RHOBTB1: variants seen among roughly 807,000 people sequenced by gnomAD.
The protein encoded by RHOBTB1 is Rho related BTB domain containing 1.
A neutral mutation model predicts 71.6 loss-of-function variants in RHOBTB1; 40 were observed. The observed-to-expected ratio is 0.56, with a 90% confidence interval of 0.43 to 0.73. The LOEUF (loss-of-function observed/expected upper bound fraction) is 0.73, where lower values mean the gene tolerates loss of function less well. Among genes scored for constraint, RHOBTB1 ranks in the 30% least tolerant of loss-of-function variants. The pLI is 0.00. For missense variants in RHOBTB1, 797 were observed against 894.0 expected, an observed-to-expected ratio of 0.89 and a Z score of 1.38; for synonymous variants, 319 against 334.9, an observed-to-expected ratio of 0.95 and a Z score of 0.52.
At position 60,888,759 on chromosome 10, in the gene RHOBTB1, G is replaced by T. The variant is rs1452186381; in HGVS notation, c.909C>A (p.Ser303=). Residue 303 remains serine (S), a synonymous_variant, in exon 6 of 11, where the codon TCC becomes TCA. Transcript: ENST00000337910. The stretch of plus-strand genomic sequence containing the variant: ...CACAGGCTCCTTCACTCCCATTTGG[G>T]GATTCTTCACATTCCATTAAAAACA... ...YDLFLMECEE[S]PNGSEGACEK... 1.9e-6 allele frequency: 3 copies of T among 1,613,976 alleles called. No individual in the cohort carries two copies. Among genetic ancestry groups the T allele is most frequent in the Non-Finnish European group, 2.5e-6 (3 of 1,180,020 alleles).
intron 5 of RHOBTB1, among the ~76,000 whole-genome samples, chr10:60,891,998 C>T (rs1470239509): frequency 6.6e-6 from 1 of 152,178 alleles, no homozygotes; most frequent in Non-Finnish European, 1.5e-5. Flanking sequence ...TCTTCTCTCT[C>T]CTGCCGCCAT....
intron 8 of RHOBTB1, 79 bp downstream of exon 8, chr10:60,877,829 C>A: frequency 7.0e-7 from 1 of 1,422,338 alleles, no homozygotes. Flanking sequence ...AATTTTTATT[C>A]TCTGTAAGAA....
At chr10:60,920,621 C>CT (rs66851123) in intron 2 of RHOBTB1, among the ~76,000 whole-genome samples, 194 of 135,766 alleles carry the variant, frequency 1.4e-3, no homozygotes, top group Middle Eastern at 0.012. Context: ...TTCTGATTTG[C>CT]TTTTTTTTTT....
intron 7 of RHOBTB1, among the ~76,000 whole-genome samples, chr10:60,879,493 C>T (rs770152965): frequency 5.9e-5 from 9 of 151,768 alleles, no homozygotes; most frequent in Admixed American, 3.3e-4. Context: ...CCACCACGCC[C>T]GGCTAATTTA....
At chr10:60,898,818 T>A (rs2082276440) in intron 4 of RHOBTB1, among the ~76,000 whole-genome samples, 1 of 152,212 alleles carries the variant, frequency 6.6e-6, no homozygotes, top group Non-Finnish European at 1.5e-5. Flanking sequence ...GAAGCAATAT[T>A]TTAAACCAGT....
chr10:60,868,791 A>G (rs1388011122), downstream of RHOBTB1, among the ~76,000 whole-genome samples: 1 of 152,222 alleles, frequency 6.6e-6, no homozygotes, highest in Non-Finnish European at 1.5e-5. Flanking sequence ...AGAAACCGGT[A>G]TACTTTATGT....
chr10:60,871,613 C>G lies in RHOBTB1; in HGVS notation c.1960G>C (p.Val654Leu). 2 of 1,614,076 alleles carry G rather than the reference C, an allele frequency of 1.2e-6. No individual in the cohort carries two copies. Among genetic ancestry groups the G allele is most frequent in the Middle Eastern group, 1.7e-4 (1 of 6,054 alleles). Residue 654 changes from valine to leucine, a missense_variant, in exon 11 of 11, where the codon GTG becomes CTG. Coordinates refer to ENST00000337910, the MANE Select transcript of RHOBTB1 (RefSeq NM_014836.5). ...EYFERHRWPP[V>L]WYLKEEDHYQ... The stretch of plus-strand genomic sequence containing the variant: ...TGATCTTCTTCCTTCAGGTACCACA[C>G]AGGGGGCCAGCGGTGCCGCTCGAAG...
At chr10:60,961,261 C>A (rs1191674390) in intron 2 of RHOBTB1, among the ~76,000 whole-genome samples, 1 of 152,140 alleles carries the variant, frequency 6.6e-6, no homozygotes, top group Non-Finnish European at 1.5e-5. Flanking sequence ...GAAGAACATA[C>A]TATGAGATGA....
downstream of RHOBTB1, among the ~76,000 whole-genome samples, chr10:60,869,174 C>T (rs141897322): frequency 5.3e-3 from 814 of 152,362 alleles, 5 homozygotes; most frequent in Non-Finnish European, 8.7e-3. Context: ...TCCCCCAACC[C>T]GCTCTCTGGC....
chr10:60,897,247 A>G (rs7079085), intron 4 of RHOBTB1, among the ~76,000 whole-genome samples: 55,539 of 152,126 alleles, frequency 0.37, 10,942 homozygotes, highest in East Asian at 0.58. Flanking sequence ...GGAAAAGATC[A>G]GAGAAGCAAC....
At chr10:60,903,605 T>C (rs1312980266) in intron 4 of RHOBTB1, among the ~76,000 whole-genome samples, 1 of 152,222 alleles carries the variant, frequency 6.6e-6, no homozygotes, top group East Asian at 1.9e-4. Context: ...ACAGGGTATC[T>C]GGTGAAACGT....
At chr10:60,882,603 G>T (rs1453466582) in intron 7 of RHOBTB1, among the ~76,000 whole-genome samples, 1 of 146,962 alleles carries the variant, frequency 6.8e-6, no homozygotes, top group East Asian at 2.2e-4. Flanking sequence ...AAAAAAGGCT[G>T]ATTTTCATGG....
At chr10:60,974,685 T>C (rs2086261383) in intron 2 of RHOBTB1, among the ~76,000 whole-genome samples, 1 of 152,062 alleles carries the variant, frequency 6.6e-6, no homozygotes, top group Non-Finnish European at 1.5e-5. Flanking sequence ...TCAGGGCATG[T>C]TGCTAGCAGT....
chr10:60,927,252 G>A (rs548931056), intron 2 of RHOBTB1, among the ~76,000 whole-genome samples: 1 of 152,230 alleles, frequency 6.6e-6, no homozygotes, highest in East Asian at 1.9e-4. Flanking sequence ...TGGGAAGATC[G>A]ATATTGTTAC....
chr10:60,916,771 A>T (rs1564949236), intron 2 of RHOBTB1, among the ~76,000 whole-genome samples: 1 of 152,190 alleles, frequency 6.6e-6, no homozygotes, highest in Non-Finnish European at 1.5e-5. Flanking sequence ...GCATGAGGGA[A>T]TAGGGTTGCA....
At position 60,874,973 on chromosome 10, in the gene RHOBTB1, G is replaced by C; in HGVS notation, c.1796C>G (p.Ser599Cys). The stretch of plus-strand genomic sequence containing the variant: ...ACAAACCTGAGCCAATTCCAAGTAA[G>C]AGAGCACTTCTCCGTCAATGCCCAC... The part of the protein sequence containing the change: ...SGVGIDGEVL[S>C]YLELAQFHNA... The change falls in exon 9 of 11, where the codon TCT becomes TGT. Residue 599 changes from serine to cysteine, a missense_variant. Around this residue, in one of 2 missense-constraint regions of RHOBTB1, gnomAD observed 658 missense variants for 681.5 expected, o/e 0.97. Coordinates refer to ENST00000337910, the MANE Select transcript of RHOBTB1 (RefSeq NM_014836.5). The C allele has an allele frequency of 1.2e-6, 2 of 1,613,822 alleles. No individual in the cohort carries two copies. The highest frequency in any genetic ancestry group is 1.1e-5 in the South Asian group (1 of 91,076).
chr10:60,898,131 T>G (rs1462656571), intron 4 of RHOBTB1, among the ~76,000 whole-genome samples: 1 of 152,156 alleles, frequency 6.6e-6, no homozygotes, highest in Non-Finnish European at 1.5e-5. Flanking sequence ...ATTACTTATT[T>G]TTTTAGGAGA....
At chr10:60,944,489 C>G (rs917450075), upstream of RHOBTB1, among the ~76,000 whole-genome samples, 1 of 152,166 alleles carries the variant, frequency 6.6e-6, no homozygotes, top group African/African-American at 2.4e-5. Context: ...CGGGACAAAC[C>G]GACACAGAGC....
intron 2 of RHOBTB1, among the ~76,000 whole-genome samples, chr10:60,930,419 G>C (rs1212888395): frequency 6.6e-6 from 1 of 152,150 alleles, no homozygotes; most frequent in Non-Finnish European, 1.5e-5. Flanking sequence ...TAGAAGTTAT[G>C]CTTATGATGA....
Sources: allele counts gnomAD v4.1 joint callset (sites outside exome capture counted in the v4.1 genomes callset), GRCh38; gene constraint gnomAD v4.1.1; regional missense constraint gnomAD v4.1.1; transcripts MANE v1.5; gene names NCBI Gene and HGNC (gene_info 2026-07-23, HGNC 2026-07-21).